The following TNKS2 variants were observed in gnomAD, a reference collection of about 807,000 sequenced individuals.
The protein encoded by TNKS2 is poly [ADP-ribose] polymerase tankyrase-2.
TNKS2 carries 72 observed loss-of-function variants against 137.6 expected under a neutral mutation model. The ratio of observed to expected loss-of-function variants is 0.52; its 90% CI spans 0.43 to 0.64. TNKS2 has a LOEUF of 0.64. Ranked by LOEUF, TNKS2 falls within the 30% of genes least tolerant of loss-of-function variation. The pLI is 0.00. For missense variants in TNKS2, 1,049 were observed against 1,410.2 expected (o/e 0.74, Z 4.10); for synonymous variants, 516 against 512.1 (o/e 1.01, Z -0.10).
chr10:91,799,422 C>A (rs957624437), intron 1 of TNKS2, among the ~76,000 whole-genome samples: 2 of 152,160 alleles, frequency 1.3e-5, no homozygotes, highest in African/African-American at 4.8e-5. Context: ...TACCAAGTTT[C>A]TGGAGTGACT....
chr10:91,825,846 G>A (rs1414109509), intron 7 of TNKS2, among the ~76,000 whole-genome samples: 8 of 152,254 alleles, frequency 5.3e-5, no homozygotes, highest in East Asian at 1.9e-4. Flanking sequence ...ACGTTGCCAC[G>A]TAGCAGTGGA....
At chr10:91,822,466 C>A in intron 7 of TNKS2, 104 bp downstream of exon 7, 1 of 866,136 alleles carries the variant, frequency 1.2e-6, no homozygotes, top group Non-Finnish European at 1.8e-6. Flanking sequence ...GTTCTTAGTG[C>A]TTAAAAAAGT....
intron 7 of TNKS2, 31 bp downstream of exon 7, chr10:91,822,393 T>C (rs1032539987): frequency 2.6e-6 from 4 of 1,535,306 alleles, no homozygotes; most frequent in South Asian, 1.1e-5. Context: ...CTAATTACTT[T>C]CTAGAGTTAT....
Position 91,819,323 on chromosome 10 carries a change from T to C in TNKS2, c.557+17T>C, listed in dbSNP as rs781699751. On this transcript the variant is annotated intron_variant, in intron 4 of 26. Transcript: ENST00000371627. ...AAGTGCCAGGTACGTACTAATGTTA[T>C]AAATATGTGACAGGAATACTTCACC... The C allele has an allele frequency of 4.1e-6, 6 of 1,471,026 alleles. No homozygotes were observed. The highest frequency in any genetic ancestry group is 1.5e-5 in the African/African-American group (1 of 68,560). The allele number at this position is 1,471,026 out of a possible 1,614,324, so 91.1% of individuals were successfully genotyped here. A position where few individuals can be genotyped will look rare whatever the true frequency, so the allele number is the denominator to read the frequency against.
At chr10:91,841,200 A>T in intron 14 of TNKS2, 83 bp from the exon 15 acceptor site, 3 of 1,211,308 alleles carry the variant, frequency 2.5e-6, no homozygotes, top group Non-Finnish European at 3.4e-6. Flanking sequence ...GTAGTTCAAG[A>T]ATTATCTTTC....
rs201469815 is a variant in TNKS2, at chr10:91,834,064, C to A, written c.1447+40C>A. The A allele has an allele frequency of 1.7e-4, 256 of 1,463,268 alleles. 1 individual carries two copies. In the African/African-American group the frequency reaches 3.4e-3, roughly 19 times the overall value. 90.6% of individuals were successfully genotyped at this position (1,463,268 alleles called of 1,614,324 possible). ...AATGAAATTGATTTTTTTAAATTAA[C>A]CTTTAAAAATTTTTCACATATCAGG... On this transcript the variant is annotated intron_variant, in intron 12 of 26. Transcript: ENST00000371627.
At chr10:91,810,837 C>T (rs965802318) in intron 1 of TNKS2, among the ~76,000 whole-genome samples, 7 of 151,130 alleles carry the variant, frequency 4.6e-5, no homozygotes, top group African/African-American at 1.7e-4. Context: ...CTAGCATCTG[C>T]CCACTTTGGC....
chr10:91,809,529 G>A (rs1250586062), intron 1 of TNKS2, among the ~76,000 whole-genome samples: 1 of 152,118 alleles, frequency 6.6e-6, no homozygotes, highest in South Asian at 2.1e-4. Flanking sequence ...AGCTGGGCGT[G>A]GTGGCGGGCG....
rs74151749 is a variant in TNKS2 at position 91,832,780 on chromosome 10, C to T, written c.1276-1073C>T. Among the ~76,000 whole-genome samples, 515 of 151,942 alleles carry T rather than the reference C, an allele frequency of 3.4e-3. 4 individuals carry two copies. The highest frequency in any genetic ancestry group is 0.012 in the African/African-American group (485 of 41,402). On this transcript the variant is annotated intron_variant, in intron 11 of 26. Coordinates refer to ENST00000371627, the MANE Select transcript of TNKS2 (RefSeq NM_025235.4). ...TTCCATAGCAGGGAGGTAGGGATAA[C>T]GTTGGTGGAGTCTTACAGGTGATTT...
At chr10:91,812,925 T>C (rs1007385296) in intron 1 of TNKS2, 58 bp from the exon 2 acceptor site, 24 of 1,586,150 alleles carry the variant, frequency 1.5e-5, no homozygotes, top group Non-Finnish European at 1.8e-5. Flanking sequence ...ATGGTACTTA[T>C]CTAATTTGAT....
rs553241305 is a variant in TNKS2, at chr10:91,828,772, A to G, written c.1104+366A>G. Reference sequence around the variant, plus strand: ...ATGAAAATAATGAAAAATAAAATAAATACCACCATCCAGATGAAAACACTT... The same window carrying G: ...ATGAAAATAATGAAAAATAAAATAAGTACCACCATCCAGATGAAAACACTT... On this transcript the variant is annotated intron_variant, in intron 9 of 26. Transcript: ENST00000371627. Among the ~76,000 whole-genome samples the G allele has an allele frequency of 3.9e-5, 6 of 152,296 alleles. No homozygotes were observed. The South Asian group carries it at 1.2e-3, about 32-fold the overall frequency.
In TNKS2 at chr10:91,863,735, GAT is replaced by G. The variant is rs1842911057; in HGVS notation, c.*738_*739del. ...ACACATTCCAAAGAGCTCTAACTAT[GAT>G]AGGTCCTGATTACTAAAGAAGCTTC... is the stretch of plus-strand genomic sequence containing the variant. On this transcript the variant is annotated 3_prime_UTR_variant, in exon 27 of 27. Transcript: ENST00000371627. 2 of 152,262 alleles carry G rather than the reference GAT, an allele frequency of 1.3e-5. No homozygotes were observed. Among genetic ancestry groups the G allele is most frequent in the South Asian group, 4.1e-4 (2 of 4,832 alleles). The allele number at this position is 152,262 out of a possible 1,614,324, so 9.4% of individuals were successfully genotyped here. A position where few individuals can be genotyped will look rare whatever the true frequency, so the allele number is the denominator to read the frequency against.
At position 91,863,158 on chromosome 10, in the gene TNKS2, G is replaced by A. The variant is rs1238348435; in HGVS notation, c.*159G>A. On this transcript the variant is annotated 3_prime_UTR_variant, in exon 27 of 27. Coordinates refer to ENST00000371627, the MANE Select transcript of TNKS2 (RefSeq NM_025235.4). ...AAGTTTAACATTCTGACTTGATAAA[G>A]CTTTAATAATGTACAGTGTTTTCTA... 3 of 551,624 alleles carry A rather than the reference G, an allele frequency of 5.4e-6. No individual in the cohort carries two copies. The East Asian group carries it at 8.9e-5, about 16-fold the overall frequency. 34.2% of individuals were successfully genotyped at this position (551,624 alleles called of 1,614,324 possible). A position where few individuals can be genotyped will look rare whatever the true frequency, so the allele number is the denominator to read the frequency against.
In TNKS2 at chr10:91,800,573, C is replaced by T. The variant is rs113588338; in HGVS notation, c.199+1684C>T. 5.6e-3 allele frequency among the ~76,000 whole-genome samples: 860 copies of T among 152,236 alleles called. 9 individuals are homozygous for T. Among genetic ancestry groups the T allele is most frequent in the African/African-American group, 0.019 (796 of 41,540 alleles). ...CCAACGTTTCAAAGCATATTTTTTA[C>T]ATAGGTTTCATTTTGTTCAAGTTTG... is the stretch of plus-strand genomic sequence containing the variant. On this transcript the variant is annotated intron_variant, in intron 1 of 26. Transcript: ENST00000371627.
intron 12 of TNKS2, among the ~76,000 whole-genome samples, chr10:91,835,276 CTTTTTTTTCTTT>C (rs369192935): frequency 3.5e-5 from 5 of 141,398 alleles, no homozygotes; most frequent in East Asian, 2.0e-4. Context: ...GCCCATTTCT[CTTTTTTTTCTTT>C]TTTTTTTTCT....
intron 9 of TNKS2, among the ~76,000 whole-genome samples, chr10:91,828,798 G>A (rs1845146088): frequency 6.6e-6 from 1 of 152,022 alleles, no homozygotes; most frequent in Non-Finnish European, 1.5e-5. Context: ...GAAAACACTT[G>A]GTGTAGTCCC....
intron 21 of TNKS2, among the ~76,000 whole-genome samples, chr10:91,852,152 C>G (rs982710702): frequency 5.3e-5 from 8 of 151,406 alleles, no homozygotes; most frequent in African/African-American, 1.9e-4. Context: ...GGCGTGAACC[C>G]GGGAAGCGGA....
intron 1 of TNKS2, among the ~76,000 whole-genome samples, chr10:91,806,805 A>G (rs931292357): frequency 6.6e-6 from 1 of 152,220 alleles, no homozygotes; most frequent in African/African-American, 2.4e-5. Flanking sequence ...AAATGGTTAC[A>G]TTTAATGTTC....
chr10:91,818,543 T>C (rs572109186), intron 3 of TNKS2, among the ~76,000 whole-genome samples: 96 of 152,278 alleles, frequency 6.3e-4, no homozygotes, highest in East Asian at 7.7e-4. Context: ...TGTGTGTGCA[T>C]GTGTGTGTAT....
Sources: gnomAD v4.1 joint callset for allele counts (sites outside exome capture counted in the v4.1 genomes callset) on GRCh38, gnomAD v4.1.1 for gene constraint, MANE v1.5 for transcripts, NCBI Gene and HGNC (gene_info 2026-07-23, HGNC 2026-07-21) for gene names.